CSMD1: variants seen among roughly 807,000 people sequenced by gnomAD.
The protein encoded by CSMD1 is CUB and sushi domain-containing protein 1.
CSMD1 carries 213 observed loss-of-function variants against 417.5 expected under a neutral mutation model. The observed-to-expected ratio is 0.51, with a 90% CI of 0.46 to 0.57. The LOEUF (loss-of-function observed/expected upper bound fraction) is 0.57, where lower values mean the gene tolerates loss of function less well. Ranked by LOEUF, CSMD1 falls within the 20% of genes least tolerant of loss-of-function variation. CSMD1 has a pLI of 0.00. For missense variants in CSMD1, 6,923 were observed against 4,529.7 expected, an observed-to-expected ratio of 1.53 and a Z score of -15.17; for synonymous variants, 2,862 against 1,736.8, an observed-to-expected ratio of 1.65 and a Z score of -16.11.
rs375147911 is a variant in CSMD1 at position 3,406,178 on chromosome 8, G to A, written c.2115C>T (p.Asn705=). The A allele has an allele frequency of 1.3e-4, 212 of 1,612,216 alleles. No homozygotes were observed. Among genetic ancestry groups the A allele is most frequent in the Non-Finnish European group, 1.7e-4 (201 of 1,179,074 alleles). The part of the protein sequence containing the change: ...NECHDPGIPI[N]GRRFGDRFLL... Reference sequence around the variant, plus strand: ...GAAACCTGTCACCAAAACGTCGTCCGTTTATAGGAATGCCAGGATCATGGC... The same window carrying A: ...GAAACCTGTCACCAAAACGTCGTCCATTTATAGGAATGCCAGGATCATGGC... Residue 705 remains asparagine, a synonymous_variant, in exon 15 of 70, where the codon AAC becomes AAT. Coordinates refer to ENST00000635120, the MANE Select transcript of CSMD1 (RefSeq NM_033225.6).
intron 5 of CSMD1, among the ~76,000 whole-genome samples, chr8:3,935,887 C>G (rs1399598585): frequency 6.6e-6 from 1 of 152,118 alleles, no homozygotes; most frequent in African/African-American, 2.4e-5. Flanking sequence ...GAAAAGTATA[C>G]TTAAAGATGA....
chr8:4,869,653 G>T (rs754888838), intron 1 of CSMD1, among the ~76,000 whole-genome samples: 7 of 151,812 alleles, frequency 4.6e-5, no homozygotes, highest in Non-Finnish European at 8.8e-5. Flanking sequence ...TGCTAATACA[G>T]ATTTTTAAAA....
chr8:3,361,933 C>T (rs1020254112), intron 20 of CSMD1, among the ~76,000 whole-genome samples: 1 of 152,106 alleles, frequency 6.6e-6, no homozygotes. Flanking sequence ...TATTAATTAT[C>T]ACTTAATCAT....
intron 41 of CSMD1, 103 bp from the exon 42 acceptor site, chr8:3,118,690 T>A: frequency 1.0e-6 from 1 of 996,840 alleles, no homozygotes; most frequent in Non-Finnish European, 1.5e-6. Flanking sequence ...GATGAAGTTG[T>A]TGGATAAGTT....
intron 10 of CSMD1, among the ~76,000 whole-genome samples, chr8:3,537,385 A>G (rs542894776): frequency 4.6e-5 from 7 of 152,326 alleles, no homozygotes; most frequent in East Asian, 3.9e-4. Flanking sequence ...TTTATACATC[A>G]TAAGTTATCA....
At chr8:3,255,697 G>C (rs577207027) in intron 26 of CSMD1, among the ~76,000 whole-genome samples, 2 of 152,168 alleles carry the variant, frequency 1.3e-5, no homozygotes, top group Non-Finnish European at 2.9e-5. Flanking sequence ...CTGGTGTGCC[G>C]TTTGCTAAGC....
At chr8:4,507,950 G>A (rs1037412962) in intron 2 of CSMD1, among the ~76,000 whole-genome samples, 1 of 151,920 alleles carries the variant, frequency 6.6e-6, no homozygotes, top group Non-Finnish European at 1.5e-5. Flanking sequence ...CAGCAGGAGG[G>A]GACCCTCATA....
chr8:3,655,960 C>G (rs1261289479), intron 7 of CSMD1, among the ~76,000 whole-genome samples: 1 of 152,100 alleles, frequency 6.6e-6, no homozygotes, highest in Non-Finnish European at 1.5e-5. Context: ...TGATTCCTGT[C>G]CCACCTGGCT....
chr8:4,282,410 C>G (rs1796837444), intron 3 of CSMD1, among the ~76,000 whole-genome samples: 2 of 152,146 alleles, frequency 1.3e-5, no homozygotes, highest in Admixed American at 1.3e-4. Flanking sequence ...ATCAACATCC[C>G]AAGGATGTCC....
At chr8:3,493,315 G>A (rs867791809) in intron 11 of CSMD1, among the ~76,000 whole-genome samples, 7,017 of 148,028 alleles carry the variant, frequency 0.047, 237 homozygotes, top group African/African-American at 0.076. Context: ...AAAAAAAAGG[G>A]GGGGCGGAGG....
At chr8:3,462,954 G>A (rs559005825) in intron 12 of CSMD1, among the ~76,000 whole-genome samples, 1 of 152,212 alleles carries the variant, frequency 6.6e-6, no homozygotes, top group South Asian at 2.1e-4. Flanking sequence ...TAGTGCCCTT[G>A]TGAAGGATGT....
At chr8:4,945,339 G>A (rs922958914) in intron 1 of CSMD1, among the ~76,000 whole-genome samples, 16 of 152,064 alleles carry the variant, frequency 1.1e-4, no homozygotes, top group Non-Finnish European at 2.4e-4. Flanking sequence ...TGATTGCACA[G>A]CCATGTGAAG....
At position 3,993,670 on chromosome 8, in the gene CSMD1, C is replaced by T. The variant is rs78253652; in HGVS notation, c.818+4233G>A. On this transcript the variant is annotated intron_variant, in intron 5 of 69. Transcript: ENST00000635120. ...GCTGGTTCATGAAAAATAGAGCTTA[C>T]ACCTTAAAAAATCATAAAGTAACAG... Among the ~76,000 whole-genome samples the T allele has an allele frequency of 0.011, 1,738 of 152,282 alleles. 55 individuals carry two copies. In the East Asian group the frequency reaches 0.13, roughly 11 times the overall value.
chr8:3,837,790 C>G (rs1585069439), intron 5 of CSMD1, among the ~76,000 whole-genome samples: 2 of 152,112 alleles, frequency 1.3e-5, no homozygotes, highest in Non-Finnish European at 2.9e-5. Context: ...TCAGACTGCA[C>G]TATCCACTGA....
At chr8:3,670,512 A>G (rs116524041) in intron 7 of CSMD1, among the ~76,000 whole-genome samples, 2,227 of 123,804 alleles carry the variant, frequency 0.018, 56 homozygotes, top group African/African-American at 0.057. Context: ...ATATATATAT[A>G]TATATCCTAT....
intron 10 of CSMD1, among the ~76,000 whole-genome samples, chr8:3,546,767 G>T (rs926548181): frequency 2.0e-5 from 3 of 152,176 alleles, no homozygotes; most frequent in African/African-American, 4.8e-5. Flanking sequence ...TGTGTTTCAT[G>T]ACATGAACTT....
chr8:3,658,313 A>T (rs1798232681), intron 7 of CSMD1, among the ~76,000 whole-genome samples: 1 of 152,038 alleles, frequency 6.6e-6, no homozygotes, highest in Non-Finnish European at 1.5e-5. Flanking sequence ...TGGATTTAGC[A>T]TATAGATTTA....
At chr8:3,033,166 T>C (rs1375566516) in intron 50 of CSMD1, among the ~76,000 whole-genome samples, 2 of 152,134 alleles carry the variant, frequency 1.3e-5, no homozygotes, top group African/African-American at 2.4e-5. Flanking sequence ...AACACTTAAC[T>C]GTACCAAACT....
intron 5 of CSMD1, among the ~76,000 whole-genome samples, chr8:3,810,595 G>C (rs148448365): frequency 1.1e-3 from 163 of 152,302 alleles, no homozygotes; most frequent in Admixed American, 0.011. Context: ...TTCTCCGACA[G>C]TTCTCCCTTG....
Sources: allele counts gnomAD v4.1 joint callset (sites outside exome capture counted in the v4.1 genomes callset), GRCh38; gene constraint gnomAD v4.1.1; transcripts MANE v1.5; gene names NCBI Gene and HGNC (gene_info 2026-07-23, HGNC 2026-07-21).